Variants in NR2F2 observed in about 807,000 individuals in gnomAD.
The protein encoded by NR2F2 is nuclear receptor subfamily 2 group F member 2, also known as COUP transcription factor 2.
A neutral mutation model predicts 34.8 loss-of-function variants in NR2F2; 2 were observed. That is an observed-to-expected ratio of 0.06 (90% CI 0.02 to 0.18). The LOEUF is 0.18. Ranked by LOEUF, NR2F2 falls within the 10% of genes least tolerant of loss-of-function variation. NR2F2 has a pLI of 1.00. For synonymous variants in NR2F2, 274 were observed against 251.8 expected (o/e 1.09, Z -0.84); for missense variants, 300 against 580.1 (o/e 0.52, Z 4.96).
At chr15:96,333,844 A>G in intron 1 of NR2F2, 1 of 1,418,800 alleles carries the variant, frequency 7.0e-7, no homozygotes, top group Non-Finnish European at 9.2e-7. Context: ...ACCAGCCCCG[A>G]GCGGGCCTCG....
At position 96,330,910 on chromosome 15, in the gene NR2F2, TTCTTTCTCTCCG is replaced by T; in HGVS notation, c.-1190_-1179del. The T allele has an allele frequency of 8.8e-7, 1 of 1,137,048 alleles. No homozygotes were observed. 70.4% of individuals were successfully genotyped at this position (1,137,048 alleles called of 1,614,324 possible). A position where few individuals can be genotyped will look rare whatever the true frequency, so the allele number is the denominator to read the frequency against. On this transcript the variant is annotated 5_prime_UTR_variant, in exon 1 of 3. Coordinates refer to ENST00000394166, the MANE Select transcript of NR2F2 (RefSeq NM_021005.4). ...GTACTGCCTTTTTTCCCCTCTTTCATTCTTTCTCTCCGTCTTTTTCTCCCCCCTCTGCGCACG... is the reference window on the plus strand; with the variant it reads ...GTACTGCCTTTTTTCCCCTCTTTCATTCTTTTTCTCCCCCCTCTGCGCACG...
chr15:96,330,353 G>C (rs1286751693), upstream of NR2F2, among the ~76,000 whole-genome samples: 1 of 151,784 alleles, frequency 6.6e-6, no homozygotes, highest in East Asian at 2.0e-4. Flanking sequence ...GGGATGTGGG[G>C]AGAGCAGAGG....
rs547603109 is a variant in NR2F2, at chr15:96,336,312, G to A, written c.971-1036G>A. On this transcript the variant is annotated intron_variant, in intron 2 of 2. Coordinates refer to ENST00000394166, the MANE Select transcript of NR2F2 (RefSeq NM_021005.4). Reference sequence around the variant, plus strand: ...CACAGTTCCGAGGATGCCGAGGGAAGGAGTCCTGTGCAAACAGATCTTTTA... The same window carrying A: ...CACAGTTCCGAGGATGCCGAGGGAAAGAGTCCTGTGCAAACAGATCTTTTA... 2.0e-5 allele frequency among the ~76,000 whole-genome samples: 3 copies of A among 152,322 alleles called. No individual in the cohort carries two copies. In the South Asian group the frequency reaches 6.2e-4, roughly 32 times the overall value.
At chr15:96,335,554 G>C (rs1257833070) in intron 2 of NR2F2, among the ~76,000 whole-genome samples, 1 of 152,190 alleles carries the variant, frequency 6.6e-6, no homozygotes, top group Admixed American at 6.5e-5. Context: ...TCACATTCTT[G>C]TACTAAGTTG....
rs1021150949 is a variant in NR2F2 at position 96,331,594 on chromosome 15, CCTCCTCCGCCAA to C, written c.-505_-494del. The C allele has an allele frequency of 1.6e-6, 2 of 1,219,626 alleles. No individual in the cohort carries two copies. Among genetic ancestry groups the C allele is most frequent in the Non-Finnish European group, 2.0e-6 (2 of 979,272 alleles). The allele number at this position is 1,219,626 out of a possible 1,614,324, so 75.6% of individuals were successfully genotyped here. On this transcript the variant is annotated 5_prime_UTR_variant, in exon 1 of 3. Transcript: ENST00000394166. Reference sequence around the variant, plus strand: ...TCCTCTTCCTCCTCCTCCTCCTCCTCCTCCTCCGCCAACTCCTCGGCTGCACACCAGCTCTAA... The same window carrying C: ...TCCTCTTCCTCCTCCTCCTCCTCCTCCTCCTCGGCTGCACACCAGCTCTAA...
At chr15:96,332,637 C>T in intron 1 of NR2F2, 90 bp downstream of exon 1, 1 of 1,521,018 alleles carries the variant, frequency 6.6e-7, no homozygotes, top group Non-Finnish European at 8.8e-7. Context: ...GACAAGAAGC[C>T]CCAAGCTCTT....
At chr15:96,329,323 T>G (rs1188945754), upstream of NR2F2, among the ~76,000 whole-genome samples, 1 of 152,256 alleles carries the variant, frequency 6.6e-6, no homozygotes, top group Non-Finnish European at 1.5e-5. Context: ...ACATGTTTGA[T>G]GTTTAAAACC....
intron 2 of NR2F2, among the ~76,000 whole-genome samples, chr15:96,335,561 G>T (rs934765897): frequency 6.6e-6 from 1 of 152,208 alleles, no homozygotes; most frequent in South Asian, 2.1e-4. Flanking sequence ...CTTGTACTAA[G>T]TTGTCAGCTG....
At chr15:96,329,503 C>A (rs1899073370), upstream of NR2F2, among the ~76,000 whole-genome samples, 1 of 152,132 alleles carries the variant, frequency 6.6e-6, no homozygotes, top group East Asian at 1.9e-4. Context: ...GGGGCAGAAT[C>A]TCTGGGTGCG....
intron 2 of NR2F2, among the ~76,000 whole-genome samples, chr15:96,336,568 A>G (rs1235305145): frequency 6.6e-6 from 1 of 151,988 alleles, no homozygotes; most frequent in African/African-American, 2.4e-5. Context: ...TCTCATTTCA[A>G]AGGCACTTAC....
intron 2 of NR2F2, 81 bp downstream of exon 2, chr15:96,334,684 C>A: frequency 1.4e-6 from 2 of 1,459,262 alleles, no homozygotes; most frequent in Non-Finnish European, 1.8e-6. Context: ...GTCCCCAGGG[C>A]AAACCCAGTC....
chr15:96,332,630 A>G (rs1311731933), intron 1 of NR2F2, 83 bp downstream of exon 1: 3 of 1,535,184 alleles, frequency 2.0e-6, no homozygotes, highest in East Asian at 4.6e-5. Context: ...GGGTAAGGAC[A>G]AGAAGCCCCA....
chr15:96,331,049 G>A lies in NR2F2; in HGVS notation c.-1057G>A. On this transcript the variant is annotated 5_prime_UTR_variant, in exon 1 of 3. Coordinates refer to ENST00000394166, the MANE Select transcript of NR2F2 (RefSeq NM_021005.4). Reference sequence around the variant, plus strand: ...TCTTTCCCTATGTGTGTGAGGCGGCGGCGGCAGCAGCAGCAGCAGCGGCTC... The same window carrying A: ...TCTTTCCCTATGTGTGTGAGGCGGCAGCGGCAGCAGCAGCAGCAGCGGCTC... The A allele has an allele frequency of 2.4e-6, 3 of 1,242,628 alleles. No homozygotes were observed. The highest frequency in any genetic ancestry group is 3.0e-6 in the Non-Finnish European group (3 of 997,694). 77.0% of individuals were successfully genotyped at this position (1,242,628 alleles called of 1,614,324 possible).
In NR2F2 at chr15:96,331,668, G is replaced by C; in HGVS notation, c.-438G>C. On this transcript the variant is annotated 5_prime_UTR_variant, in exon 1 of 3. Transcript: ENST00000394166. ...AACGAGAGAGGGAGGGAGAGAGTGA[G>C]AGCGAGCGAGATCTTTGGAGAGATT... 1 of 1,116,560 alleles carries C rather than the reference G, an allele frequency of 9.0e-7. No homozygotes were observed. The highest frequency in any genetic ancestry group is 1.1e-6 in the Non-Finnish European group (1 of 886,664). The allele number at this position is 1,116,560 out of a possible 1,614,324, so 69.2% of individuals were successfully genotyped here. A position where few individuals can be genotyped will look rare whatever the true frequency, so the allele number is the denominator to read the frequency against.
At chr15:96,333,377 C>G in intron 1 of NR2F2, 1 of 1,001,796 alleles carries the variant, frequency 1.0e-6, no homozygotes, top group Non-Finnish European at 1.2e-6. Flanking sequence ...CCGAGCCTCG[C>G]CGGCTTTCCC....
rs773164116 is a variant in NR2F2 at position 96,334,479 on chromosome 15, C to T, written c.846C>T (p.Ala282=). 5.0e-6 allele frequency: 8 copies of T among 1,614,004 alleles called. No individual in the cohort carries two copies. The highest frequency in any genetic ancestry group is 6.8e-6 in the Non-Finnish European group (8 of 1,180,012). ...GCCTGCATGCTTCGCCCATGTCCGCCGACCGGGTGGTCGCCTTTATGGACC... is the reference window on the plus strand; with the variant it reads ...GCCTGCATGCTTCGCCCATGTCCGCTGACCGGGTGGTCGCCTTTATGGACC... ...AAGLHASPMS[A]DRVVAFMDHI... Residue 282 remains alanine, a synonymous_variant, in exon 2 of 3, where the codon GCC becomes GCT. Coordinates refer to ENST00000394166, the MANE Select transcript of NR2F2 (RefSeq NM_021005.4).
rs1899118509 is a variant in NR2F2, at chr15:96,330,950, G to C, written c.-1156G>C. 1.7e-6 allele frequency: 2 copies of C among 1,155,252 alleles called. No homozygotes were observed. Among genetic ancestry groups the C allele is most frequent in the Non-Finnish European group, 2.1e-6 (2 of 937,398 alleles). 71.6% of individuals were successfully genotyped at this position (1,155,252 alleles called of 1,614,324 possible). ...TTTTTCTCCCCCCTCTGCGCACGAAGGATGTGCTTCTAGGTGGTGATCTGC... is the reference window on the plus strand; with the variant it reads ...TTTTTCTCCCCCCTCTGCGCACGAACGATGTGCTTCTAGGTGGTGATCTGC... On this transcript the variant is annotated 5_prime_UTR_variant, in exon 1 of 3. Transcript: ENST00000394166.
chr15:96,337,232 T>A lies in NR2F2; in HGVS notation c.971-116T>A. On this transcript the variant is annotated intron_variant, in intron 2 of 2. Transcript: ENST00000394166. ...GTTGGGGCAGTTTGACAGAGCTCTG[T>A]GCACACACCTCATGTGACCCAATTC... The A allele has an allele frequency of 3.2e-6, 4 of 1,242,336 alleles. No homozygotes were observed. The South Asian group carries it at 6.0e-5, about 19-fold the overall frequency. The allele number at this position is 1,242,336 out of a possible 1,614,324, so 77.0% of individuals were successfully genotyped here.
rs1164597263 is a variant in NR2F2, at chr15:96,339,955, C to T, written c.*2333C>T. On this transcript the variant is annotated 3_prime_UTR_variant, in exon 3 of 3. Transcript: ENST00000394166. Reference sequence around the variant, plus strand: ...TTCAGATCCAGTCAATACATGCAGACCAGTAAAATCTGATTTGTGCAGAGT... The same window carrying T: ...TTCAGATCCAGTCAATACATGCAGATCAGTAAAATCTGATTTGTGCAGAGT... The T allele has an allele frequency of 6.6e-6, 1 of 152,174 alleles. No individual in the cohort carries two copies. Among genetic ancestry groups the T allele is most frequent in the African/African-American group, 2.4e-5 (1 of 41,516 alleles). The allele number at this position is 152,174 out of a possible 1,614,324, so 9.4% of individuals were successfully genotyped here.
Sources: gnomAD v4.1 joint callset for allele counts (sites outside exome capture counted in the v4.1 genomes callset) on GRCh38, gnomAD v4.1.1 for gene constraint, MANE v1.5 for transcripts, NCBI Gene and HGNC (gene_info 2026-07-23, HGNC 2026-07-21) for gene names.